Variants in LCORL observed in about 807,000 individuals in gnomAD.
The protein encoded by LCORL is ligand-dependent nuclear receptor corepressor-like protein.
In LCORL, 41 loss-of-function variants were observed where a neutral mutation model predicts 141.8. The ratio of observed to expected loss-of-function variants is 0.29; its 90% CI spans 0.23 to 0.38. The LOEUF is 0.38. LCORL is among the 10% of genes least tolerant of loss of function. LCORL has a pLI of 1.00. For missense variants in LCORL, 1,759 were observed against 2,035.0 expected (o/e 0.86, Z 2.61); for synonymous variants, 618 against 694.1 (o/e 0.89, Z 1.72).
chr4:17,869,232 A>G (rs1726049971), intron 7 of LCORL, among the ~76,000 whole-genome samples: 2 of 152,108 alleles, frequency 1.3e-5, no homozygotes, highest in Middle Eastern at 3.4e-3. Flanking sequence ...ATGTAAATAT[A>G]TATCTTTTAA....
chr4:17,956,512 AC>A (rs1284402187), intron 4 of LCORL, among the ~76,000 whole-genome samples: 3 of 152,134 alleles, frequency 2.0e-5, no homozygotes, highest in Non-Finnish European at 4.4e-5. Flanking sequence ...AATGGATGGA[AC>A]TGGACAGCCA....
chr4:17,984,482 C>T (rs1343931124), intron 1 of LCORL, among the ~76,000 whole-genome samples: 1 of 152,004 alleles, frequency 6.6e-6, no homozygotes, highest in Non-Finnish European at 1.5e-5. Flanking sequence ...CAATTTCTTC[C>T]TGGTTCAGTT....
intron 7 of LCORL, among the ~76,000 whole-genome samples, chr4:17,860,120 T>A (rs930979253): frequency 6.6e-6 from 1 of 152,164 alleles, no homozygotes; most frequent in Non-Finnish European, 1.5e-5. Flanking sequence ...ATGACATTCA[T>A]ATGGAACCAA....
chr4:17,988,435 A>AT (rs1030505279), intron 1 of LCORL, among the ~76,000 whole-genome samples: 16 of 151,684 alleles, frequency 1.1e-4, no homozygotes, highest in African/African-American at 2.7e-4. Context: ...TGCCTGGCTT[A>AT]TTTTTTTATT....
At position 18,021,372 on chromosome 4, in the gene LCORL, G is replaced by A. The variant is rs967267752; in HGVS notation, c.154+226C>T. Among the ~76,000 whole-genome samples the A allele has an allele frequency of 2.0e-5, 3 of 152,120 alleles. No homozygotes were observed. The highest frequency in any genetic ancestry group is 2.9e-5 in the Non-Finnish European group (2 of 67,992). ...AGCGGGTCCAAACTAACAGTTCCCG[G>A]GGAGCCCAAGAGCTGGGAAGGCGAA... On this transcript the variant is annotated intron_variant, in intron 1 of 7. Transcript: ENST00000635767. This position sits in a 1 kb window ranked among gnomAD's most constrained non-coding sequence, Gnocchi z 5.5.
chr4:17,864,478 A>C (rs1055087252), intron 7 of LCORL, among the ~76,000 whole-genome samples: 4 of 152,186 alleles, frequency 2.6e-5, no homozygotes, highest in Non-Finnish European at 5.9e-5. Context: ...GTGGGATTAC[A>C]GGCATGAGCC....
intron 4 of LCORL, among the ~76,000 whole-genome samples, chr4:17,931,546 G>A (rs1736042257): frequency 6.6e-6 from 1 of 151,728 alleles, no homozygotes; most frequent in Admixed American, 6.6e-5. Flanking sequence ...AAGAAATTCT[G>A]CAACTTTGCT....
At chr4:17,935,692 C>T (rs1430857293) in intron 4 of LCORL, among the ~76,000 whole-genome samples, 2 of 152,192 alleles carry the variant, frequency 1.3e-5, no homozygotes, top group Non-Finnish European at 2.9e-5. Flanking sequence ...GAGGCCCTCA[C>T]CAGAAGCAGA....
At chr4:17,982,326 T>C (rs554835736) in intron 1 of LCORL, among the ~76,000 whole-genome samples, 2 of 152,318 alleles carry the variant, frequency 1.3e-5, no homozygotes, top group South Asian at 2.1e-4. Context: ...TGAATGGTAG[T>C]TCTGCTTTTA....
intron 1 of LCORL, among the ~76,000 whole-genome samples, chr4:18,003,531 G>A (rs1037294341): frequency 2.6e-5 from 4 of 152,104 alleles, no homozygotes; most frequent in African/African-American, 9.7e-5. Flanking sequence ...TTACATATTA[G>A]GTTGGTGCAA....
intron 4 of LCORL, among the ~76,000 whole-genome samples, chr4:17,916,190 G>C (rs1015068145): frequency 4.6e-5 from 7 of 152,262 alleles, no homozygotes; most frequent in African/African-American, 1.7e-4. Context: ...CTTACACACT[G>C]TTACGTTTCT....
intron 5 of LCORL, among the ~76,000 whole-genome samples, chr4:17,901,620 G>A (rs1730896420): frequency 6.6e-6 from 1 of 152,100 alleles, no homozygotes; most frequent in Non-Finnish European, 1.5e-5. Context: ...ACTCAATATA[G>A]CTGTAAGTGT....
At chr4:17,952,572 C>A (rs986509378) in intron 4 of LCORL, among the ~76,000 whole-genome samples, 1 of 152,000 alleles carries the variant, frequency 6.6e-6, no homozygotes, top group Non-Finnish European at 1.5e-5. Flanking sequence ...GCCGCCACCA[C>A]GCCCGGCTAA....
chr4:17,952,965 T>G (rs544349942), intron 4 of LCORL, among the ~76,000 whole-genome samples: 8 of 152,204 alleles, frequency 5.3e-5, no homozygotes, highest in African/African-American at 1.7e-4. Flanking sequence ...TACTTTAGAT[T>G]CCCACTTATA....
At chr4:17,992,628 C>T (rs1356135683) in intron 1 of LCORL, among the ~76,000 whole-genome samples, 1 of 152,082 alleles carries the variant, frequency 6.6e-6, no homozygotes, top group Non-Finnish European at 1.5e-5. Flanking sequence ...ATAAAATTTG[C>T]TTAAGTGTAT....
intron 1 of LCORL, among the ~76,000 whole-genome samples, chr4:17,978,664 C>T (rs964842236): frequency 6.6e-6 from 1 of 151,886 alleles, no homozygotes; most frequent in Non-Finnish European, 1.5e-5. Flanking sequence ...TGATTGCCAG[C>T]CCTATATAAG....
At chr4:18,003,516 G>C (rs987227634) in intron 1 of LCORL, among the ~76,000 whole-genome samples, 7 of 152,140 alleles carry the variant, frequency 4.6e-5, no homozygotes, top group Non-Finnish European at 7.4e-5. Context: ...TAACTTTTAG[G>C]TATGTTACAT....
intron 7 of LCORL, among the ~76,000 whole-genome samples, chr4:17,872,203 G>A (rs1577296367): frequency 6.7e-6 from 1 of 150,242 alleles, no homozygotes; most frequent in East Asian, 2.0e-4. Context: ...TAATCAATAA[G>A]TACTTCCATA....
chr4:17,904,806 G>C (rs1731368271), intron 5 of LCORL, among the ~76,000 whole-genome samples: 2 of 151,866 alleles, frequency 1.3e-5, no homozygotes, highest in Admixed American at 1.3e-4. Context: ...GCTACGTTTA[G>C]CAAGACTTTA....
Sources: allele counts gnomAD v4.1 joint callset (sites outside exome capture counted in the v4.1 genomes callset), GRCh38; gene constraint gnomAD v4.1.1; non-coding constraint Gnocchi (gnomAD v3.1); transcripts MANE v1.5; gene names NCBI Gene and HGNC (gene_info 2026-07-23, HGNC 2026-07-21).